Variants in BTG4 observed in about 807,000 individuals in gnomAD.
The protein encoded by BTG4 is protein BTG4.
In BTG4, 10 loss-of-function variants were observed where a neutral mutation model predicts 19.3. That is an observed-to-expected ratio of 0.52 (90% CI 0.32 to 0.88). The LOEUF (loss-of-function observed/expected upper bound fraction) is 0.88. Ranked by LOEUF, BTG4 falls within the 40% of genes least tolerant of loss-of-function variation. BTG4 has a pLI of 0.04. For synonymous variants in BTG4, 91 were observed against 95.7 expected, an observed-to-expected ratio of 0.95 and a Z score of 0.29; for missense variants, 238 against 281.9, an observed-to-expected ratio of 0.84 and a Z score of 1.11.
At chr11:111,509,845 AT>A (rs1363571742) in intron 1 of BTG4, among the ~76,000 whole-genome samples, 2 of 149,150 alleles carry the variant, frequency 1.3e-5, no homozygotes, top group Non-Finnish European at 1.5e-5. Context: ...GTGAGTTTGT[AT>A]GTATTGAAGG....
chr11:111,491,502 C>A (rs1865414028), downstream of BTG4, among the ~76,000 whole-genome samples: 4 of 152,046 alleles, frequency 2.6e-5, no homozygotes, highest in Admixed American at 2.6e-4. Flanking sequence ...AATCCCTGCA[C>A]TTTGGGAAGC....
the BTG4 span, among the ~76,000 whole-genome samples, chr11:111,421,433 C>T: frequency 2.6e-5 from 4 of 152,198 alleles, no homozygotes; most frequent in African/African-American, 9.7e-5. Flanking sequence ...CACAGCTAGT[C>T]AACCGATTTG....
chr11:111,399,943 A>G, the BTG4 span, among the ~76,000 whole-genome samples: 6 of 152,122 alleles, frequency 3.9e-5, no homozygotes, highest in African/African-American at 1.4e-4. Context: ...CATCCTAAGT[A>G]TGGCCTGGAT....
the BTG4 span, chr11:111,415,872 C>T: frequency 6.6e-6 from 1 of 152,042 alleles, no homozygotes; most frequent in African/African-American, 2.4e-5. Flanking sequence ...AAGACTGTCT[C>T]TACTAAAAAT....
chr11:111,466,664 G>A (rs1188337583), downstream of BTG4: 1 of 152,598 alleles, frequency 6.6e-6, no homozygotes, highest in Non-Finnish European at 1.5e-5. Context: ...CCTAAATTGA[G>A]TTGTGTTGTT....
At chr11:111,408,083 C>A in the BTG4 span, among the ~76,000 whole-genome samples, 16 of 152,358 alleles carry the variant, frequency 1.1e-4, no homozygotes, top group Non-Finnish European at 4.4e-5. Flanking sequence ...TTACCTCAGC[C>A]AGGCCCTTGG....
chr11:111,483,689 G>T (rs1209635741), intron 5 of BTG4, among the ~76,000 whole-genome samples: 1 of 151,856 alleles, frequency 6.6e-6, no homozygotes. Context: ...TCAGAGAAGA[G>T]AAAAGAATAA....
chr11:111,499,930 T>C (rs1349193327), intron 1 of BTG4, among the ~76,000 whole-genome samples: 1 of 151,992 alleles, frequency 6.6e-6, no homozygotes, highest in African/African-American at 2.4e-5. Flanking sequence ...TCACCTGAGG[T>C]CAGGAGTTCG....
the BTG4 span, among the ~76,000 whole-genome samples, chr11:111,387,314 A>T: frequency 6.6e-6 from 1 of 152,216 alleles, no homozygotes; most frequent in African/African-American, 2.4e-5. Context: ...ATCTGCAAAT[A>T]TGGTTGACAG....
chr11:111,405,218 A>G, the BTG4 span, among the ~76,000 whole-genome samples: 1 of 152,076 alleles, frequency 6.6e-6, no homozygotes, highest in Admixed American at 6.5e-5. Context: ...AGCCTGGCCA[A>G]CATAGCGAAA....
the BTG4 span, chr11:111,404,578 G>T: frequency 8.8e-6 from 4 of 455,928 alleles, no homozygotes; most frequent in East Asian, 2.8e-4. Context: ...CACTTTTTCA[G>T]TTATTACTCA....
the BTG4 span, among the ~76,000 whole-genome samples, chr11:111,422,484 A>G: frequency 6.6e-6 from 1 of 152,166 alleles, no homozygotes; most frequent in Non-Finnish European, 1.5e-5. Context: ...CTGGAAATGC[A>G]TGTGCACACA....
the BTG4 span, among the ~76,000 whole-genome samples, chr11:111,461,492 GGGAGGATCACCT>G: frequency 1.3e-5 from 2 of 152,148 alleles, no homozygotes; most frequent in Non-Finnish European, 2.9e-5. Context: ...AGGCAGAGGT[GGGAGGATCACCT>G]GAGGTCAGGA....
the BTG4 span, chr11:111,397,482 A>C: frequency 6.6e-6 from 1 of 152,290 alleles, no homozygotes; most frequent in Non-Finnish European, 1.5e-5. Flanking sequence ...CTCTCTGTCT[A>C]GAATGTTCTT....
At chr11:111,393,859 TA>T in the BTG4 span, among the ~76,000 whole-genome samples, 1 of 152,240 alleles carries the variant, frequency 6.6e-6, no homozygotes, top group Non-Finnish European at 1.5e-5. Context: ...TGGTACTGTC[TA>T]AAAAACTCCA....
At chr11:111,455,488 G>A in the BTG4 span, 2 of 231,884 alleles carry the variant, frequency 8.6e-6, no homozygotes, top group Non-Finnish European at 1.8e-5. Flanking sequence ...AAGCTCCTTC[G>A]CCAAAACCTC....
At chr11:111,427,883 G>C in the BTG4 span, among the ~76,000 whole-genome samples, 3,177 of 152,232 alleles carry the variant, frequency 0.021, 113 homozygotes, top group African/African-American at 0.072. Context: ...AGTGACAGAG[G>C]CGTCACATCA....
chr11:111,445,189 G>A, the BTG4 span, among the ~76,000 whole-genome samples: 1 of 152,172 alleles, frequency 6.6e-6, no homozygotes, highest in South Asian at 2.1e-4. Flanking sequence ...ATGTGACCTT[G>A]TGAAAATCCC....
the BTG4 span, chr11:111,459,826 G>C: frequency 6.6e-6 from 1 of 152,604 alleles, no homozygotes; most frequent in African/African-American, 2.4e-5. Flanking sequence ...GAGAGCTCAG[G>C]AATGTGACTT....
Sources: allele counts gnomAD v4.1 joint callset (sites outside exome capture counted in the v4.1 genomes callset), GRCh38; gene constraint gnomAD v4.1.1; transcripts MANE v1.5; gene names NCBI Gene and HGNC (gene_info 2026-07-23, HGNC 2026-07-21).